ARG2: variants seen among roughly 807,000 people sequenced by gnomAD.
ARG2 encodes the protein arginase 2.
Under a neutral mutation model 39.4 loss-of-function variants are expected in ARG2, and 21 were observed. That is an observed-to-expected ratio of 0.53 (90% confidence interval 0.38 to 0.77). ARG2 has a LOEUF of 0.77. Among genes scored for constraint, ARG2 ranks in the 30% least tolerant of loss-of-function variants. ARG2 has a pLI of 0.00. For missense variants in ARG2, 378 were observed against 426.2 expected, an observed-to-expected ratio of 0.89 and a Z score of 1.00; for synonymous variants, 150 against 156.7, an observed-to-expected ratio of 0.96 and a Z score of 0.32.
At chr14:67,645,054 A>C (rs916839084) in intron 3 of ARG2, among the ~76,000 whole-genome samples, 15 of 151,818 alleles carry the variant, frequency 9.9e-5, no homozygotes, top group Non-Finnish European at 2.2e-4. Flanking sequence ...AACATGCAAT[A>C]CATCTTTTTA....
At chr14:67,644,709 A>T (rs1347116419) in intron 3 of ARG2, among the ~76,000 whole-genome samples, 2 of 152,178 alleles carry the variant, frequency 1.3e-5, no homozygotes, top group Non-Finnish European at 2.9e-5. Flanking sequence ...TTAAGATCTT[A>T]TATTTGAGGC....
chr14:67,624,170 A>C (rs2036839502), intron 2 of ARG2, among the ~76,000 whole-genome samples: 1 of 152,128 alleles, frequency 6.6e-6, no homozygotes, highest in South Asian at 2.1e-4. Context: ...AACCATGGTA[A>C]TTTGTGAATT....
intron 2 of ARG2, among the ~76,000 whole-genome samples, chr14:67,629,318 T>G (rs1439471561): frequency 6.6e-6 from 1 of 152,176 alleles, no homozygotes; most frequent in East Asian, 1.9e-4. Flanking sequence ...TCTGGCAGCA[T>G]GGACAACAGA....
rs760437945 is a variant in ARG2, at chr14:67,651,444, AGAT to A, written c.*528_*530del. The A allele has an allele frequency of 2.5e-6, 4 of 1,614,012 alleles. No individual in the cohort carries two copies. In the African/African-American group the frequency reaches 4.0e-5, roughly 16 times the overall value. On this transcript the variant is annotated 3_prime_UTR_variant, in exon 8 of 8. Coordinates refer to ENST00000261783, the MANE Select transcript of ARG2 (RefSeq NM_001172.4). ...CCTCCCAGGATGGCGAGCTCCAGTA[AGAT>A]GATAATGGAAAGCAGCAGCTTGTTG...
intron 7 of ARG2, 97 bp downstream of exon 7, chr14:67,648,280 G>T: frequency 7.1e-7 from 1 of 1,403,754 alleles, no homozygotes; most frequent in Non-Finnish European, 9.6e-7. Flanking sequence ...CCACATCATT[G>T]CAGAGTTTGT....
chr14:67,642,328 T>C lies in ARG2; in HGVS notation c.327T>C (p.Asp109=), dbSNP rs1205821543. ...LAEVVSRAVS[D]GYSCVTLGGD... Reference sequence around the variant, plus strand: ...AGGTGGTTAGCAGAGCTGTGTCAGATGGCTACAGCTGTGTCACACTGGGAG... The same window carrying C: ...AGGTGGTTAGCAGAGCTGTGTCAGACGGCTACAGCTGTGTCACACTGGGAG... Residue 109 remains aspartate, a synonymous_variant, in exon 3 of 8, where the codon GAT becomes GAC. Coordinates refer to ENST00000261783, the MANE Select transcript of ARG2 (RefSeq NM_001172.4). The C allele has an allele frequency of 1.9e-6, 3 of 1,613,938 alleles. No individual in the cohort carries two copies. The African/African-American group carries it at 4.0e-5, about 22-fold the overall frequency.
intron 4 of ARG2, 40 bp from the exon 5 acceptor site, chr14:67,646,604 A>G (rs771166319): frequency 6.7e-6 from 10 of 1,497,346 alleles, no homozygotes; most frequent in Non-Finnish European, 8.3e-6. Flanking sequence ...GGTGAGAACA[A>G]GAATTCTTGA....
chr14:67,643,206 TTCTGA>T (rs1461543943), intron 3 of ARG2, among the ~76,000 whole-genome samples: 1 of 152,230 alleles, frequency 6.6e-6, no homozygotes, highest in Non-Finnish European at 1.5e-5. Flanking sequence ...TTGAGCACTG[TTCTGA>T]TATTTTCTCA....
chr14:67,634,678 C>T (rs190904370), intron 2 of ARG2, among the ~76,000 whole-genome samples: 51 of 151,774 alleles, frequency 3.4e-4, no homozygotes, highest in African/African-American at 7.0e-4. Flanking sequence ...ACCAGGACAT[C>T]AGTAGATAAT....
intron 4 of ARG2, 150 bp downstream of exon 4, chr14:67,645,952 CCAGATGCTAGGGGTATAA>C: frequency 1.1e-6 from 1 of 909,682 alleles, no homozygotes; most frequent in Admixed American, 2.7e-5. Context: ...AGGCAGTCTG[CCAGATGCTAGGGGTATAA>C]AGACTAGACA....
chr14:67,627,518 C>T (rs548288715), intron 2 of ARG2, among the ~76,000 whole-genome samples: 45 of 152,162 alleles, frequency 3.0e-4, no homozygotes, highest in Non-Finnish European at 4.3e-4. Context: ...TGAACAGTGT[C>T]ATATCTTTGG....
At position 67,651,228 on chromosome 14, in the gene ARG2, G is replaced by A; in HGVS notation, c.*308G>A. ...TGCTGTTGTTCCTTCACATTTAAGT[G>A]GTTTTTCATCTTTCCTCCCTCCTCC... On this transcript the variant is annotated 3_prime_UTR_variant, in exon 8 of 8. Coordinates refer to ENST00000261783, the MANE Select transcript of ARG2 (RefSeq NM_001172.4). 7.1e-7 allele frequency: 1 copy of A among 1,409,240 alleles called. No homozygotes were observed. The highest frequency in any genetic ancestry group is 2.4e-5 in the East Asian group (1 of 41,158). The allele number at this position is 1,409,240 out of a possible 1,614,324, so 87.3% of individuals were successfully genotyped here.
chr14:67,620,847 T>C, intron 1 of ARG2, 47 bp from the exon 2 acceptor site: 3 of 1,607,746 alleles, frequency 1.9e-6, no homozygotes, highest in Non-Finnish European at 2.6e-6. Context: ...TGGGTTTTTT[T>C]CCGACACCTT....
rs1039282430 is a variant in ARG2 at position 67,650,993 on chromosome 14, C to A, written c.*73C>A. 9 of 1,431,972 alleles carry A rather than the reference C, an allele frequency of 6.3e-6. No individual in the cohort carries two copies. The African/African-American group carries it at 8.4e-5, about 13-fold the overall frequency. The allele number at this position is 1,431,972 out of a possible 1,614,324, so 88.7% of individuals were successfully genotyped here. A position where few individuals can be genotyped will look rare whatever the true frequency, so the allele number is the denominator to read the frequency against. On this transcript the variant is annotated 3_prime_UTR_variant, in exon 8 of 8. Transcript: ENST00000261783. ...GAGGCATTGAGGGGATAGATGAATA[C>A]TAAATGGTTGTCTGGGTCAATACTG...
intron 3 of ARG2, among the ~76,000 whole-genome samples, chr14:67,643,851 G>GGAA (rs2037062831): frequency 3.0e-5 from 1 of 33,030 alleles, no homozygotes; most frequent in African/African-American, 1.8e-4. Flanking sequence ...CTCCTTGGGA[G>GGAA]TAAAAAAAAA....
chr14:67,638,590 T>C (rs1014322249), intron 2 of ARG2, among the ~76,000 whole-genome samples: 12 of 152,156 alleles, frequency 7.9e-5, no homozygotes, highest in African/African-American at 2.9e-4. Context: ...CCCAAGTCCT[T>C]ACCTGGCACT....
At chr14:67,641,882 G>T (rs1231677974) in intron 2 of ARG2, among the ~76,000 whole-genome samples, 4 of 152,114 alleles carry the variant, frequency 2.6e-5, no homozygotes, top group African/African-American at 9.7e-5. Context: ...CTTTAAGATT[G>T]TTGGTTCTTT....
At chr14:67,632,407 G>A (rs1304021084) in intron 2 of ARG2, among the ~76,000 whole-genome samples, 1 of 152,194 alleles carries the variant, frequency 6.6e-6, no homozygotes, top group Non-Finnish European at 1.5e-5. Context: ...GAGTAAATCA[G>A]ACATCTTGTT....
chr14:67,636,176 T>C (rs1438112473), intron 2 of ARG2, among the ~76,000 whole-genome samples: 1 of 152,078 alleles, frequency 6.6e-6, no homozygotes, highest in Admixed American at 6.5e-5. Context: ...CAGCCCACTT[T>C]GAAACCCATC....
Sources: gnomAD v4.1 joint callset for allele counts (sites outside exome capture counted in the v4.1 genomes callset) on GRCh38, gnomAD v4.1.1 for gene constraint, MANE v1.5 for transcripts, NCBI Gene and HGNC (gene_info 2026-07-23, HGNC 2026-07-21) for gene names.